The following PTPRZ1 variants were observed in gnomAD, a reference collection of about 807,000 sequenced individuals.
PTPRZ1 encodes receptor-type tyrosine-protein phosphatase zeta.
PTPRZ1 carries 82 observed loss-of-function variants against 214.1 expected under a neutral mutation model. The ratio of observed to expected loss-of-function variants is 0.38; its 90% CI spans 0.32 to 0.46. The LOEUF is 0.46. Among genes scored for constraint, PTPRZ1 ranks in the 20% least tolerant of loss-of-function variants. The pLI is 1.00. For missense variants in PTPRZ1, 2,603 were observed against 2,748.7 expected (o/e 0.95, Z 1.19); for synonymous variants, 945 against 987.9 (o/e 0.96, Z 0.81).
intron 1 of PTPRZ1, among the ~76,000 whole-genome samples, chr7:121,896,522 G>A (rs1794787921): frequency 6.6e-6 from 1 of 152,070 alleles, no homozygotes; most frequent in Admixed American, 6.5e-5. Flanking sequence ...TTGAAAAACG[G>A]AAGAAAACCC....
At chr7:121,908,355 A>AGGTGG in intron 1 of PTPRZ1, 4 of 233,628 alleles carry the variant, frequency 1.7e-5, no homozygotes, top group South Asian at 4.6e-5. Flanking sequence ...GTGTAGATCA[A>AGGTGG]TCCCTTTGGA....
intron 10 of PTPRZ1, 137 bp from the exon 11 acceptor site, chr7:122,004,477 G>A (rs1046590847): frequency 1.8e-6 from 1 of 560,434 alleles, no homozygotes; most frequent in African/African-American, 1.9e-5. Context: ...AATTTTTATT[G>A]TGAGAAAGTC....
rs1258586633 is a variant in PTPRZ1 at position 122,019,212 on chromosome 7, G to A, written c.4932G>A (p.Val1644=). Residue 1644 remains valine (V), a synonymous_variant, in exon 13 of 30, where the codon GTG becomes GTA. Coordinates refer to ENST00000393386, the MANE Select transcript of PTPRZ1 (RefSeq NM_002851.3). Reference sequence around the variant, plus strand: ...AGGCAGTTATACCCCTTGTGATCGTGTCAGCCCTGACTTTTATCTGTCTAG... The same window carrying A: ...AGGCAGTTATACCCCTTGTGATCGTATCAGCCCTGACTTTTATCTGTCTAG... ...EKKAVIPLVI[V]SALTFICLVV... is the part of the protein sequence containing the mutation. 3 of 1,612,362 alleles carry A rather than the reference G, an allele frequency of 1.9e-6. No homozygotes were observed. The highest frequency in any genetic ancestry group is 2.5e-6 in the Non-Finnish European group (3 of 1,178,466).
chr7:122,058,794 T>C lies in PTPRZ1; in HGVS notation c.6529-6T>C. Reference sequence around the variant, plus strand: ...ACTAACATTACTTTGTGTTTTCTTGTTATAGGATGATTATGTACTTGAAGT... The same window carrying C: ...ACTAACATTACTTTGTGTTTTCTTGCTATAGGATGATTATGTACTTGAAGT... On this transcript the variant is annotated splice_polypyrimidine_tract_variant and splice_region_variant and intron_variant, in intron 27 of 29. Coordinates refer to ENST00000393386, the MANE Select transcript of PTPRZ1 (RefSeq NM_002851.3). The C allele has an allele frequency of 6.3e-7, 1 of 1,599,966 alleles. No individual in the cohort carries two copies. Among genetic ancestry groups the C allele is most frequent in the Non-Finnish European group, 8.6e-7 (1 of 1,169,436 alleles).
intron 28 of PTPRZ1, 179 bp from the exon 29 acceptor site, chr7:122,059,574 A>C (rs1388746365): frequency 1.5e-6 from 1 of 672,056 alleles, no homozygotes; most frequent in Non-Finnish European, 2.4e-6. Flanking sequence ...TATCATGAAC[A>C]CTTGGCAATA....
At position 122,011,867 on chromosome 7, in the gene PTPRZ1, A is replaced by G. The variant is rs1235458760; in HGVS notation, c.2821A>G (p.Thr941Ala). 1 of 1,613,928 alleles carries G rather than the reference A, an allele frequency of 6.2e-7. No homozygotes were observed. Among genetic ancestry groups the G allele is most frequent in the South Asian group, 1.1e-5 (1 of 91,078 alleles). The part of the protein sequence containing the change: ...SDNEGSQHIF[T>A]VSYSSAIPVH... ...TAATGAGGGCTCCCAACACATCTTC[A>G]CTGTTTCTTACAGTTCTGCAATACC... The change falls in exon 12 of 30, where the codon ACT (threonine) becomes GCT (alanine). Residue 941 changes from threonine to alanine, a missense_variant. Transcript: ENST00000393386.
chr7:121,913,225 G>C (rs1454147789), intron 1 of PTPRZ1, among the ~76,000 whole-genome samples: 1 of 152,192 alleles, frequency 6.6e-6, no homozygotes, highest in Non-Finnish European at 1.5e-5. Flanking sequence ...GGAGAAAGTA[G>C]AGATACCCAG....
At position 121,873,318 on chromosome 7, in the gene PTPRZ1, T is replaced by TCC; in HGVS notation, c.-181_-180insCC. ...GTCTCTCTCTGTCTCTGTCTCTGTC[T>TCC]CTCTCTCTCTCACACACACACACAC... On this transcript the variant is annotated 5_prime_UTR_variant, in exon 1 of 30. Transcript: ENST00000393386. The TCC allele has an allele frequency of 1.9e-6, 1 of 535,352 alleles. No individual in the cohort carries two copies. 33.2% of individuals were successfully genotyped at this position (535,352 alleles called of 1,614,324 possible). A position where few individuals can be genotyped will look rare whatever the true frequency, so the allele number is the denominator to read the frequency against.
chr7:121,990,702 CAG>C (rs1309279078), intron 8 of PTPRZ1, among the ~76,000 whole-genome samples: 1 of 151,520 alleles, frequency 6.6e-6, no homozygotes, highest in East Asian at 1.9e-4. Flanking sequence ...GTATTTTTAG[CAG>C]AGACGGGGTT....
At chr7:122,028,472 A>G (rs997417992) in intron 13 of PTPRZ1, 80 bp from the exon 14 acceptor site, 58 of 1,062,568 alleles carry the variant, frequency 5.5e-5, no homozygotes, top group Middle Eastern at 2.1e-4. Context: ...GGAGATTTCT[A>G]TCAAAATTTT....
intron 8 of PTPRZ1, among the ~76,000 whole-genome samples, chr7:121,994,861 C>A (rs919330117): frequency 2.0e-5 from 3 of 152,064 alleles, no homozygotes; most frequent in Non-Finnish European, 4.4e-5. Context: ...AATAATTTTT[C>A]TTTTATTTCT....
intron 1 of PTPRZ1, among the ~76,000 whole-genome samples, chr7:121,893,419 A>G (rs1794697503): frequency 6.6e-6 from 1 of 152,216 alleles, no homozygotes; most frequent in South Asian, 2.1e-4. Context: ...TCTTGGAAGT[A>G]TTACTCTCTT....
intron 2 of PTPRZ1, among the ~76,000 whole-genome samples, chr7:121,945,516 C>T (rs1421110764): frequency 1.3e-5 from 2 of 151,924 alleles, no homozygotes; most frequent in Non-Finnish European, 2.9e-5. Context: ...TTTTTCATTT[C>T]CTCAGACTCA....
intron 2 of PTPRZ1, among the ~76,000 whole-genome samples, chr7:121,966,193 G>A (rs1480035946): frequency 6.6e-6 from 1 of 152,190 alleles, no homozygotes; most frequent in Non-Finnish European, 1.5e-5. Flanking sequence ...TTTGTGATAT[G>A]CTAAGTATAA....
chr7:121,945,190 A>G (rs1796336888), intron 2 of PTPRZ1, among the ~76,000 whole-genome samples: 1 of 152,196 alleles, frequency 6.6e-6, no homozygotes, highest in African/African-American at 2.4e-5. Context: ...CCAGCAGAAA[A>G]TAAAAAAGAC....
Position 121,966,897 on chromosome 7 carries a change from C to T in PTPRZ1, c.125-1054C>T, listed in dbSNP as rs145392441. On this transcript the variant is annotated intron_variant, in intron 2 of 29. Transcript: ENST00000393386. Reference sequence around the variant, plus strand: ...AAACCTCAATCATGTAAAATCTTGGCCTTACCCGTTCTCATTTTCAGAAAG... The same window carrying T: ...AAACCTCAATCATGTAAAATCTTGGTCTTACCCGTTCTCATTTTCAGAAAG... 4.2e-3 allele frequency: 635 copies of T among 152,220 alleles called. 3 individuals carry two copies. The highest frequency in any genetic ancestry group is 0.015 in the African/African-American group (605 of 41,542). 9.4% of individuals were successfully genotyped at this position (152,220 alleles called of 1,614,324 possible).
intron 11 of PTPRZ1, among the ~76,000 whole-genome samples, chr7:122,009,465 A>T (rs1417770413): frequency 6.6e-6 from 1 of 151,976 alleles, no homozygotes; most frequent in Non-Finnish European, 1.5e-5. Context: ...ACTAAAAAAA[A>T]AAAAAAAACT....
intron 13 of PTPRZ1, among the ~76,000 whole-genome samples, chr7:122,022,726 A>AG (rs1349531800): frequency 2.0e-5 from 3 of 152,188 alleles, no homozygotes; most frequent in Non-Finnish European, 4.4e-5. Context: ...ATATCTAAGA[A>AG]GGCATTGCCT....
intron 8 of PTPRZ1, among the ~76,000 whole-genome samples, chr7:121,987,428 A>T (rs755356928): frequency 4.6e-5 from 7 of 152,196 alleles, no homozygotes; most frequent in Admixed American, 1.3e-4. Flanking sequence ...TATACCCAGT[A>T]ATGGGATTGC....
Sources: gnomAD v4.1 joint callset for allele counts (sites outside exome capture counted in the v4.1 genomes callset) on GRCh38, gnomAD v4.1.1 for gene constraint, MANE v1.5 for transcripts, NCBI Gene and HGNC (gene_info 2026-07-23, HGNC 2026-07-21) for gene names.